The following KLHDC4 variants were observed in gnomAD, a reference collection of about 807,000 sequenced individuals.
KLHDC4 encodes kelch domain containing 4.
KLHDC4 carries 90 observed loss-of-function variants against 62.4 expected under a neutral mutation model. The ratio of observed to expected loss-of-function variants is 1.44; its 90% CI spans 1.22 to 1.72. The LOEUF (loss-of-function observed/expected upper bound fraction) is 1.72, where lower values mean the gene tolerates loss of function less well. Ranked by LOEUF, KLHDC4 falls within the 40% of genes most tolerant of loss-of-function variation. The pLI, the probability that KLHDC4 is intolerant of heterozygous loss-of-function variation, is 0.00. For missense variants in KLHDC4, 1,025 were observed against 699.7 expected (o/e 1.47, Z -5.25); for synonymous variants, 386 against 284.4 (o/e 1.36, Z -3.59).
intron 5 of KLHDC4, among the ~76,000 whole-genome samples, chr16:87,736,401 G>C (rs1438222107): frequency 6.6e-6 from 1 of 152,206 alleles, no homozygotes; most frequent in Non-Finnish European, 1.5e-5. Flanking sequence ...CGGCGGCCTA[G>C]AGACATCTGC....
At chr16:87,725,428 G>T (rs1270283892) in intron 7 of KLHDC4, among the ~76,000 whole-genome samples, 1 of 152,150 alleles carries the variant, frequency 6.6e-6, no homozygotes, top group Non-Finnish European at 1.5e-5. Context: ...GCCTCCCAAA[G>T]TGCTGGGATT....
At chr16:87,748,401 G>A (rs1356267307) in intron 5 of KLHDC4, among the ~76,000 whole-genome samples, 11 of 152,210 alleles carry the variant, frequency 7.2e-5, no homozygotes, top group Non-Finnish European at 1.0e-4. Context: ...GAGAAGAGCT[G>A]CAACACAGGC....
intron 7 of KLHDC4, among the ~76,000 whole-genome samples, chr16:87,719,248 G>C (rs1005956280): frequency 2.6e-5 from 4 of 152,264 alleles, no homozygotes; most frequent in African/African-American, 4.8e-5. Context: ...GTGGGGAAAA[G>C]AAAGAGAGAT....
intron 7 of KLHDC4, among the ~76,000 whole-genome samples, chr16:87,720,853 C>T (rs1472538898): frequency 1.3e-5 from 2 of 152,222 alleles, no homozygotes; most frequent in African/African-American, 4.8e-5. Flanking sequence ...ACACTGCTGT[C>T]GCGATGGTTT....
At chr16:87,719,595 C>T (rs1355895576) in intron 7 of KLHDC4, among the ~76,000 whole-genome samples, 1 of 151,920 alleles carries the variant, frequency 6.6e-6, no homozygotes, top group Non-Finnish European at 1.5e-5. Flanking sequence ...ATCTGCTGAC[C>T]TTCCCTCCAC....
Position 87,748,735 on chromosome 16 carries a change from C to A in KLHDC4, c.444G>T (p.Gln148His). The A allele has an allele frequency of 6.2e-7, 1 of 1,613,636 alleles. No homozygotes were observed. The highest frequency in any genetic ancestry group is 8.5e-7 in the Non-Finnish European group (1 of 1,179,950). Reference protein sequence around the residue: ...GGEFASPNGEQFYHYKDLWVL... With the variant: ...GGEFASPNGEHFYHYKDLWVL... ...CCCAGAGATCCTTGTAGTGGTAGAA[C>A]TGCTCTCCGTTGGGAGAGGCAAACT... Residue 148 changes from glutamine (Q) to histidine (H), a missense_variant, in exon 5 of 12, where the codon CAG becomes CAT. Physicochemically the swap from Gln to His is conservative, Grantham distance 24. Transcript: ENST00000270583.
chr16:87,749,859 C>A (rs556184441), intron 4 of KLHDC4, among the ~76,000 whole-genome samples: 1 of 152,162 alleles, frequency 6.6e-6, no homozygotes, highest in Non-Finnish European at 1.5e-5. Context: ...ATTACACACA[C>A]GAACCACCAC....
Position 87,714,510 on chromosome 16 carries a change from C to T in KLHDC4, c.823G>A (p.Asp275Asn). Reference protein sequence around the residue: ...HSDMFLLKPEDGREDKWVWTR... With the variant: ...HSDMFLLKPENGREDKWVWTR... ...ACAGCACCTCTACCTTCTCTTCCGT[C>T]CTCTGGCTTCAGCAGGAACATGTCT... is the stretch of plus-strand genomic sequence containing the variant. The change falls in exon 8 of 12, where the codon GAC (aspartate) becomes AAC (asparagine). Residue 275 changes from aspartate (D) to asparagine (N), a missense_variant. Coordinates refer to ENST00000270583, the MANE Select transcript of KLHDC4 (RefSeq NM_017566.4). 1 of 1,614,194 alleles carries T rather than the reference C, an allele frequency of 6.2e-7. No individual in the cohort carries two copies. The highest frequency in any genetic ancestry group is 8.5e-7 in the Non-Finnish European group (1 of 1,180,028).
chr16:87,758,906 T>A (rs1184878932), intron 2 of KLHDC4, among the ~76,000 whole-genome samples: 1 of 152,200 alleles, frequency 6.6e-6, no homozygotes, highest in East Asian at 1.9e-4. Flanking sequence ...CCAGGCGCAT[T>A]GGCTCATGCC....
At chr16:87,701,444 G>C in exon 1 of KLHDC4, 1 of 342,912 alleles carries the variant, frequency 2.9e-6, no homozygotes, top group Non-Finnish European at 5.8e-6. Flanking sequence ...CAAAGTGGAA[G>C]TGCCTGAGCT....
intron 1 of KLHDC4, among the ~76,000 whole-genome samples, chr16:87,764,123 G>C (rs931474842): frequency 6.6e-6 from 1 of 152,196 alleles, no homozygotes; most frequent in Non-Finnish European, 1.5e-5. Flanking sequence ...GAAAGAATGG[G>C]ATACCACTCT....
chr16:87,726,847 G>T lies in KLHDC4; in HGVS notation c.677C>A (p.Thr226Lys), dbSNP rs201773974. 9 of 1,613,160 alleles carry T rather than the reference G, an allele frequency of 5.6e-6. No individual in the cohort carries two copies. Among genetic ancestry groups the T allele is most frequent in the Non-Finnish European group, 7.6e-6 (9 of 1,179,654 alleles). Residue 226 changes from threonine (T) to lysine (K), a missense_variant, in exon 7 of 12, where the codon ACG (threonine) becomes AAG (lysine). Thr to Lys is a moderately conservative substitution (Grantham distance 78, BLOSUM62 -1). Coordinates refer to ENST00000270583, the MANE Select transcript of KLHDC4 (RefSeq NM_017566.4). Reference sequence around the variant, plus strand: ...GCAGCCTGATCTGGGTGTGGGCCCCGTCCCTGACGGGGACAGCTTGCTCCA... The same window carrying T: ...GCAGCCTGATCTGGGTGTGGGCCCCTTCCCTGACGGGGACAGCTTGCTCCA... ...FTWSKLSPSG[T>K]GPTPRSGCQM...
chr16:87,728,707 G>C (rs140376679), intron 6 of KLHDC4, among the ~76,000 whole-genome samples: 1 of 152,096 alleles, frequency 6.6e-6, no homozygotes, highest in Non-Finnish European at 1.5e-5. Flanking sequence ...AAGGCTAGGC[G>C]CGGGGGCTCA....
intron 5 of KLHDC4, among the ~76,000 whole-genome samples, chr16:87,734,006 C>A (rs563185684): frequency 6.6e-6 from 1 of 152,182 alleles, no homozygotes; most frequent in Non-Finnish European, 1.5e-5. Context: ...CCAAAACCCA[C>A]TTACAGGGTT....
intron 5 of KLHDC4, among the ~76,000 whole-genome samples, chr16:87,740,358 C>T (rs1478743715): frequency 1.3e-5 from 2 of 152,186 alleles, no homozygotes; most frequent in Admixed American, 6.5e-5. Flanking sequence ...CTGAGCAGCA[C>T]AACGGGAGAT....
chr16:87,717,769 C>G (rs1400347372), intron 7 of KLHDC4, among the ~76,000 whole-genome samples: 4 of 148,186 alleles, frequency 2.7e-5, no homozygotes, highest in African/African-American at 1.1e-4. Flanking sequence ...AGTGACGTCT[C>G]TATTTGTCAT....
At position 87,762,081 on chromosome 16, in the gene KLHDC4, G is replaced by C. The variant is rs1425569395; in HGVS notation, c.100-41C>G. 5.0e-6 allele frequency: 8 copies of C among 1,603,590 alleles called. No individual in the cohort carries two copies. In the African/African-American group the frequency reaches 6.7e-5, roughly 13 times the overall value. On this transcript the variant is annotated intron_variant, in intron 1 of 11. Transcript: ENST00000270583. ...AGGCACACGTGAGACTTATTCCCAGGACCCGCCGCGGAGCCACAGCCCGCT... is the reference window on the plus strand; with the variant it reads ...AGGCACACGTGAGACTTATTCCCAGCACCCGCCGCGGAGCCACAGCCCGCT...
chr16:87,699,107 G>C (rs2034024864), exon 1 of KLHDC4: 1 of 152,230 alleles, frequency 6.6e-6, no homozygotes, highest in South Asian at 2.1e-4. Flanking sequence ...CCCAGGAACA[G>C]ATGAGCCCCG....
chr16:87,710,000 A>C, intron 9 of KLHDC4: 1 of 298,010 alleles, frequency 3.4e-6, no homozygotes. Flanking sequence ...ACAGGCTCCG[A>C]CGCTCACCCT....
Sources: gnomAD v4.1 joint callset for allele counts (sites outside exome capture counted in the v4.1 genomes callset) on GRCh38, gnomAD v4.1.1 for gene constraint, MANE v1.5 for transcripts, NCBI Gene and HGNC (gene_info 2026-07-23, HGNC 2026-07-21) for gene names.